Variants in CD96 observed in about 807,000 individuals in gnomAD.
CD96 encodes the protein T-cell surface protein tactile.
In CD96, 70 loss-of-function variants were observed where a neutral mutation model predicts 71.3. That is an observed-to-expected ratio of 0.98 (90% CI 0.81 to 1.20). CD96 has a LOEUF of 1.20. Among genes scored for constraint, CD96 ranks in the 50% most tolerant of loss-of-function variants. CD96 has a pLI of 0.00. For synonymous variants in CD96, 248 were observed against 233.0 expected (o/e 1.06, Z -0.59); for missense variants, 742 against 677.5 (o/e 1.10, Z -1.06).
At chr3:111,635,384 C>A (rs934345547) in intron 10 of CD96, among the ~76,000 whole-genome samples, 1 of 152,068 alleles carries the variant, frequency 6.6e-6, no homozygotes, top group Admixed American at 6.6e-5. Context: ...TCCAAAGTGG[C>A]TTATGTTTTT....
chr3:111,648,794 G>A (rs1299708433), intron 13 of CD96, among the ~76,000 whole-genome samples: 1 of 152,104 alleles, frequency 6.6e-6, no homozygotes, highest in Non-Finnish European at 1.5e-5. Flanking sequence ...GGATTGCCAG[G>A]GCATAGAGGT....
At chr3:111,643,878 G>A (rs764026974) in intron 12 of CD96, among the ~76,000 whole-genome samples, 9 of 152,086 alleles carry the variant, frequency 5.9e-5, no homozygotes, top group Non-Finnish European at 1.3e-4. Flanking sequence ...TCATGGATGG[G>A]TATAATCAAT....
intron 4 of CD96, among the ~76,000 whole-genome samples, chr3:111,584,447 C>G (rs1204463903): frequency 6.6e-6 from 1 of 152,188 alleles, no homozygotes; most frequent in Non-Finnish European, 1.5e-5. Flanking sequence ...TTCAGCAACA[C>G]TCGACTGTAC....
At chr3:111,593,972 G>A (rs369393306) in intron 5 of CD96, 9 of 1,614,064 alleles carry the variant, frequency 5.6e-6, no homozygotes, top group Non-Finnish European at 7.6e-6. Flanking sequence ...CAGGCGGCAG[G>A]TGGCATACTG....
intron 3 of CD96, among the ~76,000 whole-genome samples, chr3:111,575,999 A>G (rs191158986): frequency 1.2e-3 from 176 of 152,346 alleles, no homozygotes; most frequent in Middle Eastern, 3.4e-3. Flanking sequence ...CCAGGCACAT[A>G]GTGAATACTC....
At chr3:111,628,166 G>C (rs1938872005) in intron 10 of CD96, among the ~76,000 whole-genome samples, 1 of 152,212 alleles carries the variant, frequency 6.6e-6, no homozygotes, top group African/African-American at 2.4e-5. Context: ...TCAGATCTGG[G>C]CTAAGGCTGA....
chr3:111,573,615 T>G (rs928331626), intron 3 of CD96, among the ~76,000 whole-genome samples: 7 of 146,746 alleles, frequency 4.8e-5, no homozygotes, highest in Non-Finnish European at 7.8e-5. Flanking sequence ...AATAAAGAAA[T>G]TCACGATTTT....
intron 7 of CD96, among the ~76,000 whole-genome samples, chr3:111,603,301 G>A (rs1007860098): frequency 3.3e-5 from 5 of 152,000 alleles, no homozygotes; most frequent in South Asian, 4.2e-4. Flanking sequence ...AAAATCAGCC[G>A]GGCATGGTGG....
rs1420378716 is a variant in CD96 at position 111,545,227 on chromosome 3, T to C, written c.243T>C (p.Tyr81=). 6.2e-7 allele frequency: 1 copy of C among 1,614,206 alleles called. No individual in the cohort carries two copies. Among genetic ancestry groups the C allele is most frequent in the South Asian group, 1.1e-5 (1 of 91,086 alleles). The stretch of plus-strand genomic sequence containing the variant: ...CCCAATACGGCTTCTACTGTGCCTA[T>C]GGGAGACCCTGTGAGTCACTTGTGA... ...YHPQYGFYCA[Y]GRPCESLVTF... The change falls in exon 2 of 14, where the codon TAT becomes TAC. Residue 81 remains tyrosine (Y), a synonymous_variant. Coordinates refer to ENST00000352690, the MANE Select transcript of CD96 (RefSeq NM_005816.5).
chr3:111,582,293 G>A (rs1280469735), intron 4 of CD96, among the ~76,000 whole-genome samples: 2 of 152,212 alleles, frequency 1.3e-5, no homozygotes, highest in African/African-American at 4.8e-5. Flanking sequence ...TTTCCACTGA[G>A]TCATAGAAGG....
chr3:111,593,767 C>A, intron 5 of CD96: 1 of 1,614,244 alleles, frequency 6.2e-7, no homozygotes, highest in Non-Finnish European at 8.5e-7. Flanking sequence ...TGGTGCCCAC[C>A]TGCTCCAGGA....
Position 111,579,390 on chromosome 3 carries a change from G to A in CD96, c.751+156G>A, listed in dbSNP as rs556412021. 18 of 705,288 alleles carry A rather than the reference G, an allele frequency of 2.6e-5. No homozygotes were observed. The Middle Eastern group carries it at 6.9e-4, about 27-fold the overall frequency. 43.7% of individuals were successfully genotyped at this position (705,288 alleles called of 1,614,324 possible). A position where few individuals can be genotyped will look rare whatever the true frequency, so the allele number is the denominator to read the frequency against. On this transcript the variant is annotated intron_variant, in intron 4 of 13. Coordinates refer to ENST00000352690, the MANE Select transcript of CD96 (RefSeq NM_005816.5). ...GGATACTTGTCATTCTTGTTGGGCA[G>A]GGGGATGAGGGTAGGATGCTAAAGA...
intron 3 of CD96, 55 bp from the exon 4 acceptor site, chr3:111,578,972 G>C: frequency 1.1e-6 from 1 of 877,478 alleles, no homozygotes; most frequent in South Asian, 1.3e-5. Context: ...CGAATGCCTA[G>C]TTCAGAGCTG....
chr3:111,557,505 C>T lies in CD96; in HGVS notation c.419-10018C>T, dbSNP rs1352987592. Among the ~76,000 whole-genome samples the T allele has an allele frequency of 5.6e-5, 7 of 125,790 alleles. No individual in the cohort carries two copies. In the South Asian group the frequency reaches 2.0e-3, roughly 35 times the overall value. 82.5% of individuals were successfully genotyped at this position (125,790 alleles called of 152,430 possible). On this transcript the variant is annotated intron_variant, in intron 2 of 13. Transcript: ENST00000352690. ...TGTTTTTCTCAGGTTTGTCAAAGATCAGATAGTTGTAGGTATGCGGCGTTA... is the reference window on the plus strand; with the variant it reads ...TGTTTTTCTCAGGTTTGTCAAAGATTAGATAGTTGTAGGTATGCGGCGTTA...
At chr3:111,634,286 G>C (rs540858984) in intron 10 of CD96, 1 of 152,328 alleles carries the variant, frequency 6.6e-6, no homozygotes, top group African/African-American at 2.4e-5. Flanking sequence ...CCCATCAATA[G>C]TGTCTTTGTT....
chr3:111,641,096 A>C (rs1939568787), intron 12 of CD96, among the ~76,000 whole-genome samples: 1 of 152,230 alleles, frequency 6.6e-6, no homozygotes. Flanking sequence ...ACAAAAATCC[A>C]AAGTACACAG....
At chr3:111,565,047 T>G (rs1935641202) in intron 2 of CD96, among the ~76,000 whole-genome samples, 2 of 152,184 alleles carry the variant, frequency 1.3e-5, no homozygotes, top group South Asian at 2.1e-4. Context: ...TTTTCTTATT[T>G]TTCTTGAAGA....
At chr3:111,652,774 T>C (rs1321527239), downstream of CD96, among the ~76,000 whole-genome samples, 1 of 152,132 alleles carries the variant, frequency 6.6e-6, no homozygotes, top group Non-Finnish European at 1.5e-5. Context: ...TACTGTGAGC[T>C]TGACCACCCT....
At chr3:111,613,703 A>T (rs1938073582) in intron 8 of CD96, among the ~76,000 whole-genome samples, 1 of 152,250 alleles carries the variant, frequency 6.6e-6, no homozygotes, top group South Asian at 2.1e-4. Flanking sequence ...GCTAAGTCTA[A>T]GTCTGTGCTA....
Sources: gnomAD v4.1 joint callset for allele counts (sites outside exome capture counted in the v4.1 genomes callset) on GRCh38, gnomAD v4.1.1 for gene constraint, MANE v1.5 for transcripts, NCBI Gene and HGNC (gene_info 2026-07-23, HGNC 2026-07-21) for gene names.